MCC: variants seen among roughly 807,000 people sequenced by gnomAD.
MCC encodes the protein colorectal mutant cancer protein.
A neutral mutation model predicts 116.2 loss-of-function variants in MCC; 90 were observed. The ratio of observed to expected loss-of-function variants is 0.77; its 90% CI spans 0.65 to 0.92. The LOEUF is 0.92. Ranked by LOEUF, MCC falls within the 40% of genes least tolerant of loss-of-function variation. MCC has a pLI of 0.00. For synonymous variants in MCC, 578 were observed against 510.5 expected (o/e 1.13, Z -1.78); for missense variants, 1,516 against 1,312.2 (o/e 1.16, Z -2.40).
chr5:113,176,751 CT>C (rs1349259106), intron 3 of MCC, among the ~76,000 whole-genome samples: 1 of 152,148 alleles, frequency 6.6e-6, no homozygotes, highest in Non-Finnish European at 1.5e-5. Flanking sequence ...AAACCAGAGA[CT>C]TGGGTATCCT....
At chr5:113,346,625 A>G (rs1398404003) in intron 2 of MCC, among the ~76,000 whole-genome samples, 1 of 133,934 alleles carries the variant, frequency 7.5e-6, no homozygotes, top group Non-Finnish European at 1.7e-5. Flanking sequence ...CAACAACAAC[A>G]ACAACAACAA....
chr5:113,377,983 T>C (rs6594711), intron 2 of MCC, among the ~76,000 whole-genome samples: 95,856 of 152,124 alleles, frequency 0.63, 32,849 homozygotes, highest in African/African-American at 0.91. Context: ...GACTTGAGTC[T>C]GGTTTTATGC....
At chr5:113,437,736 A>G (rs926866432) in intron 1 of MCC, among the ~76,000 whole-genome samples, 2 of 152,134 alleles carry the variant, frequency 1.3e-5, no homozygotes, top group African/African-American at 4.8e-5. Context: ...TTGATTCTTT[A>G]GATGCTTTAA....
At chr5:113,137,100 G>A (rs909715058) in intron 5 of MCC, among the ~76,000 whole-genome samples, 3 of 152,166 alleles carry the variant, frequency 2.0e-5, no homozygotes, top group Non-Finnish European at 4.4e-5. Flanking sequence ...AGGTTTAATT[G>A]ATTCACAGTT....
intron 3 of MCC, among the ~76,000 whole-genome samples, chr5:113,292,167 G>A (rs1173557546): frequency 1.3e-5 from 2 of 152,152 alleles, no homozygotes; most frequent in African/African-American, 4.8e-5. Flanking sequence ...GGGAGGCAGA[G>A]GTTGCAGTGA....
intron 2 of MCC, among the ~76,000 whole-genome samples, chr5:113,363,559 G>A (rs868503026): frequency 3.3e-5 from 5 of 152,146 alleles, no homozygotes; most frequent in Non-Finnish European, 7.3e-5. Flanking sequence ...ACCAAAGGGG[G>A]ATGGTGCTAG....
At chr5:113,266,891 G>C (rs1344312929) in intron 3 of MCC, among the ~76,000 whole-genome samples, 1 of 152,022 alleles carries the variant, frequency 6.6e-6, no homozygotes, top group Non-Finnish European at 1.5e-5. Context: ...TAAAATCAGG[G>C]ATCCAGGTCA....
At chr5:113,172,374 T>C (rs908041676) in intron 3 of MCC, among the ~76,000 whole-genome samples, 2 of 152,312 alleles carry the variant, frequency 1.3e-5, no homozygotes, top group East Asian at 1.9e-4. Flanking sequence ...AGCACTTCAT[T>C]TGCATAGAGA....
intron 3 of MCC, among the ~76,000 whole-genome samples, chr5:113,217,955 C>A (rs1038076117): frequency 6.6e-6 from 1 of 152,024 alleles, no homozygotes; most frequent in African/African-American, 2.4e-5. Flanking sequence ...CCGCACATAT[C>A]CCAAACAGAA....
intron 3 of MCC, among the ~76,000 whole-genome samples, chr5:113,179,710 A>T (rs1367982523): frequency 6.6e-6 from 1 of 152,210 alleles, no homozygotes; most frequent in Non-Finnish European, 1.5e-5. Context: ...TTTTGCTGTA[A>T]AATGCAACAG....
chr5:113,102,238 C>G (rs75585327), intron 7 of MCC, among the ~76,000 whole-genome samples: 41 of 152,306 alleles, frequency 2.7e-4, no homozygotes, highest in Middle Eastern at 3.4e-3. Context: ...GCTGACACAT[C>G]CACACAATGC....
intron 3 of MCC, among the ~76,000 whole-genome samples, chr5:113,214,567 CCTT>C (rs1176280127): frequency 3.3e-5 from 5 of 152,140 alleles, no homozygotes; most frequent in Admixed American, 6.5e-5. Context: ...TTTCTTGACT[CCTT>C]CTGCTTCTTC....
At chr5:113,385,987 A>G (rs1221499110) in intron 1 of MCC, among the ~76,000 whole-genome samples, 1 of 152,206 alleles carries the variant, frequency 6.6e-6, no homozygotes, top group Non-Finnish European at 1.5e-5. Context: ...GAATTTCAAA[A>G]AGAATAACAA....
At chr5:113,475,390 A>G (rs1772210753) in intron 1 of MCC, among the ~76,000 whole-genome samples, 1 of 152,228 alleles carries the variant, frequency 6.6e-6, no homozygotes, top group South Asian at 2.1e-4. Context: ...TTTTCACTTT[A>G]TTAGGTGACA....
chr5:113,402,179 A>G (rs972641096), intron 1 of MCC, among the ~76,000 whole-genome samples: 4 of 151,610 alleles, frequency 2.6e-5, no homozygotes, highest in Non-Finnish European at 5.9e-5. Context: ...CTGTAGTCCC[A>G]GCTACTCCGG....
chr5:113,487,361 A>T (rs778561285), intron 1 of MCC, among the ~76,000 whole-genome samples: 1 of 152,230 alleles, frequency 6.6e-6, no homozygotes, highest in Admixed American at 6.5e-5. Flanking sequence ...CAAGTCTTCA[A>T]TGGCCGGTGT....
chr5:113,239,569 G>C (rs1764283757), intron 3 of MCC, among the ~76,000 whole-genome samples: 1 of 152,136 alleles, frequency 6.6e-6, no homozygotes, highest in Admixed American at 6.5e-5. Flanking sequence ...CCAGAGAAGA[G>C]GATGTGGGCT....
At chr5:113,230,559 T>TGAA (rs1763904223) in intron 3 of MCC, among the ~76,000 whole-genome samples, 1 of 152,194 alleles carries the variant, frequency 6.6e-6, no homozygotes, top group Admixed American at 6.5e-5. Flanking sequence ...TCACACTGAC[T>TGAA]TTTCAATTCA....
intron 1 of MCC, chr5:113,433,417 G>T: frequency 1.7e-6 from 1 of 578,912 alleles, no homozygotes; most frequent in South Asian, 1.7e-5. Context: ...TGCTCTTCCT[G>T]CTCTTGCTGT....
Sources: gnomAD v4.1 joint callset for allele counts (sites outside exome capture counted in the v4.1 genomes callset) on GRCh38, gnomAD v4.1.1 for gene constraint, MANE v1.5 for transcripts, NCBI Gene and HGNC (gene_info 2026-07-23, HGNC 2026-07-21) for gene names.